Variants in CBFA2T2 observed in about 807,000 individuals in gnomAD.
CBFA2T2 encodes the protein protein CBFA2T2.
A neutral mutation model predicts 62.2 loss-of-function variants in CBFA2T2; 11 were observed. The ratio of observed to expected loss-of-function variants is 0.18; its 90% confidence interval spans 0.11 to 0.29. The LOEUF is 0.29. Among genes scored for constraint, CBFA2T2 ranks in the 10% least tolerant of loss-of-function variants. CBFA2T2 has a pLI of 1.00. For missense variants in CBFA2T2, 592 were observed against 774.1 expected (o/e 0.76, Z 2.79); for synonymous variants, 295 against 287.5 (o/e 1.03, Z -0.27).
At chr20:33,606,356 C>G (rs770190796) in intron 1 of CBFA2T2, among the ~76,000 whole-genome samples, 26 of 152,150 alleles carry the variant, frequency 1.7e-4, no homozygotes, top group Non-Finnish European at 3.1e-4. Context: ...GACCTTGTTT[C>G]CTCATTTTAG....
intron 1 of CBFA2T2, among the ~76,000 whole-genome samples, chr20:33,515,755 T>G (rs1185869372): frequency 3.5e-5 from 5 of 143,678 alleles, no homozygotes; most frequent in Non-Finnish European, 6.0e-5. Context: ...GAGCCGAGAT[T>G]GTGCCATTAC....
intron 1 of CBFA2T2, among the ~76,000 whole-genome samples, chr20:33,591,862 AG>A (rs1300037986): frequency 2.3e-3 from 86 of 38,208 alleles, no homozygotes; most frequent in African/African-American, 6.1e-3. Flanking sequence ...GCGGGGTGGG[AG>A]GGGGGGGCCT....
At chr20:33,580,133 A>G (rs2014045649) in intron 1 of CBFA2T2, among the ~76,000 whole-genome samples, 1 of 151,762 alleles carries the variant, frequency 6.6e-6, no homozygotes, top group South Asian at 2.1e-4. Flanking sequence ...TTCTTTTTTT[A>G]ATCTAATGCA....
intron 1 of CBFA2T2, among the ~76,000 whole-genome samples, chr20:33,597,175 C>T (rs1031755075): frequency 1.3e-5 from 2 of 152,010 alleles, no homozygotes; most frequent in South Asian, 4.1e-4. Flanking sequence ...AAGCCATCCT[C>T]CCACCCTCAG....
chr20:33,492,902 T>C (rs1376751529), intron 1 of CBFA2T2, among the ~76,000 whole-genome samples: 1 of 151,876 alleles, frequency 6.6e-6, no homozygotes, highest in African/African-American at 2.4e-5. Flanking sequence ...GGATTACAGG[T>C]GCTCACCACC....
intron 1 of CBFA2T2, among the ~76,000 whole-genome samples, chr20:33,497,510 T>G (rs960712685): frequency 8.6e-5 from 13 of 151,378 alleles, no homozygotes; most frequent in Non-Finnish European, 1.6e-4. Flanking sequence ...ATGCCATGTT[T>G]CCTGCTGGGA....
At chr20:33,537,556 T>G (rs2146875495) in intron 1 of CBFA2T2, among the ~76,000 whole-genome samples, 1 of 152,264 alleles carries the variant, frequency 6.6e-6, no homozygotes, top group Admixed American at 6.5e-5. Flanking sequence ...TTTATAGCTT[T>G]TGTTGTGTCT....
At chr20:33,521,234 T>C (rs1265858122) in intron 1 of CBFA2T2, among the ~76,000 whole-genome samples, 1 of 152,162 alleles carries the variant, frequency 6.6e-6, no homozygotes, top group African/African-American at 2.4e-5. Context: ...ACTACCATGC[T>C]TATGAAGCCG....
intron 5 of CBFA2T2, chr20:33,623,955 A>C: frequency 4.6e-6 from 1 of 219,462 alleles, no homozygotes; most frequent in Non-Finnish European, 9.4e-6. Flanking sequence ...AAAGAATTGG[A>C]AAAAAAAAAA....
intron 1 of CBFA2T2, among the ~76,000 whole-genome samples, chr20:33,606,510 G>A (rs1312127952): frequency 1.3e-5 from 2 of 152,166 alleles, no homozygotes; most frequent in South Asian, 4.1e-4. Context: ...GAGGACAAAT[G>A]TGTCCCCTTC....
At chr20:33,579,868 G>A (rs541082243) in intron 1 of CBFA2T2, among the ~76,000 whole-genome samples, 1 of 150,356 alleles carries the variant, frequency 6.7e-6, no homozygotes, top group Admixed American at 6.6e-5. Context: ...AGGCTGGAGT[G>A]CAATGGCACG....
Position 33,600,182 on chromosome 20 carries a change from G to GTTT in CBFA2T2, c.35-6747_35-6745dup, listed in dbSNP as rs1183371343. 6.2e-3 allele frequency among the ~76,000 whole-genome samples: 387 copies of GTTT among 62,048 alleles called. 46 individuals are homozygous for GTTT. The highest frequency in any genetic ancestry group is 0.016 in the African/African-American group (241 of 15,358). 40.7% of individuals were successfully genotyped at this position (62,048 alleles called of 152,430 possible). ...AAGTTAGAATTATCACTTTTGGAAA[G>GTTT]TTTTTTTTTTTTTTTTTTTTTTTTT... is the stretch of plus-strand genomic sequence containing the variant. On this transcript the variant is annotated intron_variant, in intron 1 of 10. Transcript: ENST00000342704.
chr20:33,555,230 G>A (rs2012861363), intron 1 of CBFA2T2, among the ~76,000 whole-genome samples: 1 of 151,832 alleles, frequency 6.6e-6, no homozygotes, highest in Admixed American at 6.6e-5. Context: ...TGCTTACTAG[G>A]CACTGGAGCC....
intron 1 of CBFA2T2, chr20:33,601,836 A>G (rs907488700): frequency 6.7e-6 from 1 of 149,092 alleles, no homozygotes; most frequent in Admixed American, 6.7e-5. Flanking sequence ...ACAGGGTCTC[A>G]CCCTGTCACT....
rs933504531 is a variant in CBFA2T2 at position 33,647,458 on chromosome 20, AT to A, written c.*2817del. On this transcript the variant is annotated 3_prime_UTR_variant, in exon 11 of 11. Transcript: ENST00000342704. Reference sequence around the variant, plus strand: ...CGCCACCACGCCCAACTAATTTTGTATTTTTAGTAGAGACGGGGTTTCTCCT... The same window carrying A: ...CGCCACCACGCCCAACTAATTTTGTATTTTAGTAGAGACGGGGTTTCTCCT... 6.6e-6 allele frequency: 1 copy of A among 151,958 alleles called. No individual in the cohort carries two copies. Among genetic ancestry groups the A allele is most frequent in the African/African-American group, 2.4e-5 (1 of 41,354 alleles). The allele number at this position is 151,958 out of a possible 1,614,324, so 9.4% of individuals were successfully genotyped here.
At chr20:33,605,127 A>G (rs967853752) in intron 1 of CBFA2T2, among the ~76,000 whole-genome samples, 1 of 152,236 alleles carries the variant, frequency 6.6e-6, no homozygotes, top group Non-Finnish European at 1.5e-5. Context: ...AAGTGTGGCC[A>G]CTGCAAACTG....
intron 1 of CBFA2T2, among the ~76,000 whole-genome samples, chr20:33,537,138 G>A (rs900443770): frequency 3.3e-5 from 5 of 152,240 alleles, no homozygotes; most frequent in Non-Finnish European, 7.3e-5. Context: ...AAGGCAGGCG[G>A]CTGGGAGGTG....
intron 1 of CBFA2T2, among the ~76,000 whole-genome samples, chr20:33,574,766 C>G (rs2013746059): frequency 6.6e-6 from 1 of 152,176 alleles, no homozygotes; most frequent in African/African-American, 2.4e-5. Context: ...TATGATCAAT[C>G]TAGTCAAGAG....
intron 1 of CBFA2T2, chr20:33,574,052 G>A: frequency 1.4e-6 from 2 of 1,422,018 alleles, no homozygotes; most frequent in Non-Finnish European, 1.9e-6. Flanking sequence ...GCTGCCCAAA[G>A]TGCTGGGATT....
Sources: gnomAD v4.1 joint callset for allele counts (sites outside exome capture counted in the v4.1 genomes callset) on GRCh38, gnomAD v4.1.1 for gene constraint, MANE v1.5 for transcripts, NCBI Gene and HGNC (gene_info 2026-07-23, HGNC 2026-07-21) for gene names.